SNX18: variants seen among roughly 807,000 people sequenced by gnomAD.
SNX18 encodes the protein sorting nexin 18.
Under a neutral mutation model 48.7 loss-of-function variants are expected in SNX18, and 35 were observed. The observed-to-expected ratio is 0.72, with a 90% CI of 0.55 to 0.95. The LOEUF is 0.95. Ranked by LOEUF, SNX18 falls within the 40% of genes least tolerant of loss-of-function variation. SNX18 has a pLI of 0.00. For synonymous variants in SNX18, 492 were observed against 384.7 expected (o/e 1.28, Z -3.26); for missense variants, 824 against 871.0 (o/e 0.95, Z 0.68).
At chr5:54,628,940 G>T in the SNX18 span, among the ~76,000 whole-genome samples, 3 of 152,040 alleles carry the variant, frequency 2.0e-5, no homozygotes, top group Admixed American at 2.0e-4. Context: ...TCCAGAATTG[G>T]TGGCTCCCTG....
chr5:54,537,572 T>C (rs1276546203), intron 1 of SNX18, among the ~76,000 whole-genome samples: 1 of 152,188 alleles, frequency 6.6e-6, no homozygotes, highest in Non-Finnish European at 1.5e-5. Context: ...CTAACAGTGA[T>C]GTTTTTGACC....
the SNX18 span, among the ~76,000 whole-genome samples, chr5:54,625,836 C>A: frequency 6.6e-6 from 1 of 152,156 alleles, no homozygotes; most frequent in Non-Finnish European, 1.5e-5. Flanking sequence ...TTGGCTGAAA[C>A]TCTTGGGAAA....
the SNX18 span, among the ~76,000 whole-genome samples, chr5:54,576,223 C>G: frequency 6.6e-6 from 1 of 152,158 alleles, no homozygotes; most frequent in African/African-American, 2.4e-5. Context: ...GACAAGCCAT[C>G]CCTGGAGCCG....
At chr5:54,572,932 C>A in the SNX18 span, among the ~76,000 whole-genome samples, 15 of 150,086 alleles carry the variant, frequency 1.0e-4, no homozygotes, top group African/African-American at 3.4e-4. Flanking sequence ...GGCGTTTGAA[C>A]AACAGCGACT....
chr5:54,519,887 C>T (rs1034263095), intron 1 of SNX18: 12 of 1,478,718 alleles, frequency 8.1e-6, no homozygotes, highest in African/African-American at 2.8e-5. Flanking sequence ...AATCTTGAGA[C>T]GAGGGTAGAA....
intron 1 of SNX18, among the ~76,000 whole-genome samples, chr5:54,529,988 C>A (rs1207258848): frequency 2.0e-5 from 3 of 152,162 alleles, no homozygotes; most frequent in Non-Finnish European, 4.4e-5. Flanking sequence ...TCTGGAAGGA[C>A]AGTGTGGCAG....
the SNX18 span, among the ~76,000 whole-genome samples, chr5:54,623,300 A>G: frequency 6.6e-6 from 1 of 152,170 alleles, no homozygotes; most frequent in Non-Finnish European, 1.5e-5. Context: ...CTTTTTCTGA[A>G]TCCTCCAGAA....
At chr5:54,587,700 A>C in the SNX18 span, among the ~76,000 whole-genome samples, 1 of 152,176 alleles carries the variant, frequency 6.6e-6, no homozygotes, top group African/African-American at 2.4e-5. Flanking sequence ...ATGATGTTGA[A>C]AACACCACCA....
At chr5:54,562,626 G>A in the SNX18 span, among the ~76,000 whole-genome samples, 10 of 152,270 alleles carry the variant, frequency 6.6e-5, no homozygotes, top group African/African-American at 1.2e-4. Flanking sequence ...ACTGCCTGTC[G>A]TGTGAAGGGA....
the SNX18 span, among the ~76,000 whole-genome samples, chr5:54,572,887 G>C: frequency 1.4e-5 from 2 of 142,196 alleles, no homozygotes; most frequent in African/African-American, 5.3e-5. Flanking sequence ...TCCGCCTCCC[G>C]GGTTCAAGCA....
chr5:54,635,700 A>G, the SNX18 span, among the ~76,000 whole-genome samples: 2 of 152,188 alleles, frequency 1.3e-5, no homozygotes, highest in East Asian at 3.8e-4. Context: ...GTACTCATAT[A>G]CCAACTATGG....
chr5:54,595,643 C>A, the SNX18 span, among the ~76,000 whole-genome samples: 3 of 152,208 alleles, frequency 2.0e-5, no homozygotes, highest in Admixed American at 2.0e-4. Context: ...GCCTCACCAG[C>A]ACCTGTTGTT....
the SNX18 span, among the ~76,000 whole-genome samples, chr5:54,642,576 C>T: frequency 6.6e-6 from 1 of 152,166 alleles, no homozygotes; most frequent in Non-Finnish European, 1.5e-5. Context: ...TTGTTCCTTC[C>T]AGGTCTTTAG....
chr5:54,531,200 T>C (rs1254113214), intron 1 of SNX18, among the ~76,000 whole-genome samples: 1 of 151,980 alleles, frequency 6.6e-6, no homozygotes, highest in Non-Finnish European at 1.5e-5. Flanking sequence ...GAGTTGGCTT[T>C]GGAAAGGAAC....
chr5:54,632,104 T>C, the SNX18 span, among the ~76,000 whole-genome samples: 2 of 152,176 alleles, frequency 1.3e-5, no homozygotes, highest in East Asian at 3.9e-4. Context: ...TGCATAGCAG[T>C]CTTGGGAAGA....
chr5:54,611,842 C>T, the SNX18 span, among the ~76,000 whole-genome samples: 4 of 151,536 alleles, frequency 2.6e-5, 1 homozygote, highest in South Asian at 8.4e-4. Flanking sequence ...TGGAGCAACA[C>T]ATTGTGAATT....
chr5:54,618,927 G>C, the SNX18 span, among the ~76,000 whole-genome samples: 1 of 151,314 alleles, frequency 6.6e-6, no homozygotes, highest in South Asian at 2.1e-4. Flanking sequence ...ATAAATTCGA[G>C]TTTAATATCT....
At chr5:54,547,489 G>A (rs1762594253), downstream of SNX18, among the ~76,000 whole-genome samples, 1 of 152,144 alleles carries the variant, frequency 6.6e-6, no homozygotes, top group African/African-American at 2.4e-5. Context: ...ATCTTCCCAA[G>A]TCTCCACTCC....
the SNX18 span, among the ~76,000 whole-genome samples, chr5:54,606,734 A>G: frequency 6.6e-6 from 1 of 152,352 alleles, no homozygotes; most frequent in South Asian, 2.1e-4. Flanking sequence ...AACATTTTAC[A>G]AAACATTAGT....
Sources: gnomAD v4.1 joint callset for allele counts (sites outside exome capture counted in the v4.1 genomes callset) on GRCh38, gnomAD v4.1.1 for gene constraint, MANE v1.5 for transcripts, NCBI Gene and HGNC (gene_info 2026-07-23, HGNC 2026-07-21) for gene names.